RNF6: variants seen among roughly 807,000 people sequenced by gnomAD.
The protein encoded by RNF6 is ring finger protein 6.
In RNF6, 21 loss-of-function variants were observed where a neutral mutation model predicts 50.1. The ratio of observed to expected loss-of-function variants is 0.42; its 90% confidence interval spans 0.30 to 0.60. The LOEUF (loss-of-function observed/expected upper bound fraction) is 0.60. Ranked by LOEUF, RNF6 falls within the 20% of genes least tolerant of loss-of-function variation. The probability of loss-of-function intolerance (pLI) is 0.20; values close to 1 mark genes in which losing one functional copy is unlikely to be tolerated. For synonymous variants in RNF6, 255 were observed against 291.8 expected, an observed-to-expected ratio of 0.87 and a Z score of 1.29; for missense variants, 698 against 838.2, an observed-to-expected ratio of 0.83 and a Z score of 2.07.
chr13:26,141,933 A>G, intron 5 of RNF6, among the ~76,000 whole-genome samples: 1 of 152,150 alleles, frequency 6.6e-6, no homozygotes, highest in Non-Finnish European at 1.5e-5. Context: ...TCAGAAGAGT[A>G]CAGACAACCT....
At position 26,214,775 on chromosome 13, in the gene RNF6, A is replaced by T; in HGVS notation, c.1107T>A (p.Asn369Lys). The change falls in exon 5 of 5, where the codon AAT becomes AAA. Residue 369 changes from asparagine to lysine, a missense_variant. Physicochemically the swap from Asn to Lys is moderately conservative, Grantham distance 94. Transcript: ENST00000381588. ...CTGTTATTCTTGACACAAGCCTTGA[A>T]TTAGAGAATGGGGTATATGCAGTAC... Reference protein sequence around the residue: ...RRGTAYTPFSNSRLVSRITVE... With the variant: ...RRGTAYTPFSKSRLVSRITVE... 1 of 1,614,180 alleles carries T rather than the reference A, an allele frequency of 6.2e-7. No individual in the cohort carries two copies. The highest frequency in any genetic ancestry group is 8.5e-7 in the Non-Finnish European group (1 of 1,180,040).
intron 5 of RNF6, among the ~76,000 whole-genome samples, chr13:26,148,774 C>T (rs1871401529): frequency 6.7e-6 from 1 of 148,288 alleles, no homozygotes; most frequent in Admixed American, 6.8e-5. Flanking sequence ...TGGCAAATCC[C>T]CAGATCTGCA....
rs1306383783 is a variant in RNF6, at chr13:26,214,238, T to C, written c.1644A>G (p.Glu548=). 1.2e-6 allele frequency: 2 copies of C among 1,614,054 alleles called. No homozygotes were observed. Among genetic ancestry groups the C allele is most frequent in the Admixed American group, 3.3e-5 (2 of 59,996 alleles). Residue 548 remains glutamate, a synonymous_variant, in exon 5 of 5, where the codon GAA becomes GAG. Transcript: ENST00000381588. ...GGGTGGTCTCGTTTTCACCATGCAT[T>C]TCAGTGCTGTCTCCTTGGGCCTGCC... ...QDRQAQGDST[E]MHGENETTQP...
At chr13:26,163,959 G>A (rs1872329800) in intron 5 of RNF6, among the ~76,000 whole-genome samples, 1 of 152,122 alleles carries the variant, frequency 6.6e-6, no homozygotes, top group Non-Finnish European at 1.5e-5. Context: ...TTTTTCACAG[G>A]TTAGGAAAAG....
At chr13:26,183,598 A>T (rs1393952704) in intron 5 of RNF6, among the ~76,000 whole-genome samples, 1 of 152,144 alleles carries the variant, frequency 6.6e-6, no homozygotes, top group Non-Finnish European at 1.5e-5. Flanking sequence ...AGCAGCTTAA[A>T]CAGATTCTGA....
chr13:26,155,901 CCT>C (rs1871896009), intron 5 of RNF6, among the ~76,000 whole-genome samples: 1 of 152,140 alleles, frequency 6.6e-6, no homozygotes, highest in African/African-American at 2.4e-5. Flanking sequence ...AGCCACAGGT[CCT>C]GGTTAGACAA....
intron 5 of RNF6, among the ~76,000 whole-genome samples, chr13:26,197,945 C>A (rs1868736029): frequency 6.6e-6 from 1 of 151,046 alleles, no homozygotes; most frequent in Non-Finnish European, 1.5e-5. Flanking sequence ...TAAAACAAAT[C>A]CTAAATAACT....
rs373352455 is a variant in RNF6 at position 26,171,461 on chromosome 13, G to C, written n.769-39010C>G. ...TGTGCATTGGTGGGAACGTAAAATA[G>C]TGCAGCTTCTGTGTAAAACAATATG... On this transcript the variant is annotated intron_variant and non_coding_transcript_variant, in intron 5 of 5. Transcript: ENST00000468480. 2.0e-5 allele frequency among the ~76,000 whole-genome samples: 3 copies of C among 152,204 alleles called. No individual in the cohort carries two copies. The East Asian group carries it at 5.8e-4, about 29-fold the overall frequency.
chr13:26,147,958 T>C (rs1005630038), intron 5 of RNF6, among the ~76,000 whole-genome samples: 1 of 152,190 alleles, frequency 6.6e-6, no homozygotes, highest in Non-Finnish European at 1.5e-5. Context: ...TTAAGAGTGA[T>C]ATATAGTGTA....
chr13:26,176,927 C>T (rs1306336008), intron 5 of RNF6, among the ~76,000 whole-genome samples: 2 of 152,084 alleles, frequency 1.3e-5, no homozygotes, highest in African/African-American at 2.4e-5. Context: ...GAGTGAGACT[C>T]GGTCTCAAAA....
intron 5 of RNF6, among the ~76,000 whole-genome samples, chr13:26,206,038 G>C (rs577208189): frequency 1.3e-5 from 2 of 152,270 alleles, no homozygotes; most frequent in African/African-American, 4.8e-5. Flanking sequence ...TCTGAACACA[G>C]TTCAGCATTG....
intron 5 of RNF6, among the ~76,000 whole-genome samples, chr13:26,199,641 T>C (rs1480293418): frequency 6.6e-6 from 1 of 152,186 alleles, no homozygotes; most frequent in Non-Finnish European, 1.5e-5. Context: ...TATTTGTATA[T>C]GTATGTAGAT....
intron 1 of RNF6, 106 bp downstream of exon 1, chr13:26,221,897 G>A (rs1870547996): frequency 2.0e-5 from 3 of 152,396 alleles, no homozygotes; most frequent in Non-Finnish European, 4.4e-5. Context: ...GCAATAAGAA[G>A]GCAGTTAACC....
intron 5 of RNF6, among the ~76,000 whole-genome samples, chr13:26,171,261 A>G (rs957734382): frequency 2.0e-5 from 3 of 152,192 alleles, no homozygotes; most frequent in African/African-American, 7.2e-5. Context: ...AAGCATATAT[A>G]CAAATAAATG....
chr13:26,139,848 A>AT (rs982504167), intron 5 of RNF6, among the ~76,000 whole-genome samples: 5 of 150,118 alleles, frequency 3.3e-5, no homozygotes, highest in East Asian at 3.9e-4. Context: ...TTTTCTTTTC[A>AT]TTTTTTCAGA....
intron 5 of RNF6, among the ~76,000 whole-genome samples, chr13:26,152,361 C>G (rs541740707): frequency 6.6e-6 from 1 of 152,326 alleles, no homozygotes; most frequent in African/African-American, 2.4e-5. Context: ...CAGAGGTCTT[C>G]CTTGGTCCAT....
chr13:26,221,984 A>C lies in RNF6; in HGVS notation c.-102+19T>G, dbSNP rs1006014644. 5 of 152,294 alleles carry C rather than the reference A, an allele frequency of 3.3e-5. No homozygotes were observed. The highest frequency in any genetic ancestry group is 1.2e-4 in the African/African-American group (5 of 41,448). The allele number at this position is 152,294 out of a possible 1,614,324, so 9.4% of individuals were successfully genotyped here. ...TCCAGGAAGTAGTGGTGGGACCCAG[A>C]TCTTTCCCTCGAGCCCACCTCTCCA... is the stretch of plus-strand genomic sequence containing the variant. On this transcript the variant is annotated intron_variant, in intron 1 of 4. Coordinates refer to ENST00000381588, the MANE Select transcript of RNF6 (RefSeq NM_005977.4).
At chr13:26,145,725 G>A (rs191047052) in intron 5 of RNF6, among the ~76,000 whole-genome samples, 2 of 152,316 alleles carry the variant, frequency 1.3e-5, no homozygotes, top group East Asian at 3.9e-4. Flanking sequence ...ATACCAGTGT[G>A]AGAACAAACT....
At position 26,157,956 on chromosome 13, in the gene RNF6, A is replaced by AAGATAGACAGAT. The variant is rs1491347248; in HGVS notation, n.769-25506_769-25505insATCTGTCTATCT. 3.1e-4 allele frequency among the ~76,000 whole-genome samples: 46 copies of AAGATAGACAGAT among 146,744 alleles called. 1 individual carries two copies. Among genetic ancestry groups the AAGATAGACAGAT allele is most frequent in the South Asian group, 1.1e-3 (5 of 4,482 alleles). On this transcript the variant is annotated intron_variant and non_coding_transcript_variant, in intron 5 of 5. Transcript: ENST00000468480. Reference sequence around the variant, plus strand: ...GATAGATGGATGGCTAGCTAGCTAGAAGATAGATAGATAGATAGATAGATA... The same window carrying AAGATAGACAGAT: ...GATAGATGGATGGCTAGCTAGCTAGAAGATAGACAGATAGATAGATAGATAGATAGATAGATA...
Sources: allele counts gnomAD v4.1 joint callset (sites outside exome capture counted in the v4.1 genomes callset), GRCh38; gene constraint gnomAD v4.1.1; transcripts MANE v1.5; gene names NCBI Gene and HGNC (gene_info 2026-07-23, HGNC 2026-07-21).